Variants in RALYL observed in about 807,000 individuals in gnomAD.
RALYL encodes RNA-binding Raly-like protein.
In RALYL, 29 loss-of-function variants were observed where a neutral mutation model predicts 35.1. The observed-to-expected ratio is 0.83, with a 90% CI of 0.61 to 1.13. The LOEUF (loss-of-function observed/expected upper bound fraction) is 1.13, where lower values mean the gene tolerates loss of function less well. Among genes scored for constraint, RALYL ranks in the 50% most tolerant of loss-of-function variants. The pLI, the probability that RALYL is intolerant of heterozygous loss-of-function variation, is 0.00. For synonymous variants in RALYL, 120 were observed against 127.6 expected, an observed-to-expected ratio of 0.94 and a Z score of 0.40; for missense variants, 359 against 360.4, an observed-to-expected ratio of 1.00 and a Z score of 0.03.
intron 2 of RALYL, among the ~76,000 whole-genome samples, chr8:84,663,738 T>C (rs954227542): frequency 1.3e-5 from 2 of 152,164 alleles, no homozygotes; most frequent in African/African-American, 4.8e-5. Flanking sequence ...GATGGGTAGA[T>C]TGCAAAAATG....
intron 1 of RALYL, among the ~76,000 whole-genome samples, chr8:84,207,909 G>A (rs1408007688): frequency 6.6e-6 from 1 of 151,692 alleles, no homozygotes; most frequent in East Asian, 1.9e-4. Context: ...GGGAAAAAAA[G>A]TTTCATCAAA....
At chr8:84,853,433 C>A (rs1238239521) in intron 5 of RALYL, among the ~76,000 whole-genome samples, 1 of 152,096 alleles carries the variant, frequency 6.6e-6, no homozygotes, top group Non-Finnish European at 1.5e-5. Flanking sequence ...ATCTTACTTG[C>A]CAAAGAACAA....
chr8:84,883,191 T>C (rs1194038664), intron 7 of RALYL, among the ~76,000 whole-genome samples: 2 of 152,046 alleles, frequency 1.3e-5, no homozygotes, highest in African/African-American at 4.8e-5. Flanking sequence ...AGCTTTCAAG[T>C]TAATGATTGG....
intron 1 of RALYL, among the ~76,000 whole-genome samples, chr8:84,493,743 C>T (rs1235016570): frequency 1.3e-5 from 2 of 151,572 alleles, no homozygotes; most frequent in African/African-American, 2.4e-5. Flanking sequence ...TGTTCATGCC[C>T]TTTGCCCACT....
chr8:84,791,166 A>G (rs182892399), intron 3 of RALYL, among the ~76,000 whole-genome samples: 155 of 152,304 alleles, frequency 1.0e-3, no homozygotes, highest in East Asian at 7.7e-3. Context: ...AAGTACTGCA[A>G]TTTTTTATAG....
At position 84,259,991 on chromosome 8, in the gene RALYL, T is replaced by A. The variant is rs73688468; in HGVS notation, c.-24+75567T>A. Among the ~76,000 whole-genome samples the A allele has an allele frequency of 4.0e-3, 611 of 152,274 alleles. 4 individuals are homozygous for A. Among genetic ancestry groups the A allele is most frequent in the African/African-American group, 0.014 (573 of 41,572 alleles). ...AAAGGCTAAAGATACAGAAGAGTCA[T>A]TCTGGCTTGCATTAAAAACTGACTG... On this transcript the variant is annotated intron_variant, in intron 1 of 8. Transcript: ENST00000521268.
chr8:84,885,808 T>C (rs1363254505), intron 7 of RALYL, among the ~76,000 whole-genome samples: 1 of 152,164 alleles, frequency 6.6e-6, no homozygotes, highest in Non-Finnish European at 1.5e-5. Flanking sequence ...GGCCTCTTGA[T>C]CTAAGTTTAC....
Position 84,649,816 on chromosome 8 carries a change from C to T in RALYL, c.256+120239C>T, listed in dbSNP as rs374119091. 5.9e-3 allele frequency among the ~76,000 whole-genome samples: 896 copies of T among 151,858 alleles called. 4 individuals are homozygous for T. The highest frequency in any genetic ancestry group is 0.014 in the African/African-American group (595 of 41,426). On this transcript the variant is annotated intron_variant, in intron 2 of 8. Coordinates refer to ENST00000521268, the MANE Select transcript of RALYL (RefSeq NM_173848.7). ...AAAGTAGTTTTTTCCAATTCTGTGA[C>T]GAAAGTCATTGGTAGCTTGATGGGG...
rs189466455 is a variant in RALYL at position 84,509,734 on chromosome 8, T to C, written c.-23-19565T>C. Among the ~76,000 whole-genome samples the C allele has an allele frequency of 6.1e-4, 93 of 152,322 alleles. 1 individual carries two copies. The East Asian group carries it at 0.015, about 25-fold the overall frequency. On this transcript the variant is annotated intron_variant, in intron 1 of 8. Transcript: ENST00000521268. ...TTTGTCTAGATTCATTTTTTGTATGTAGGTGTCCAGTTATTCCAGAACCAT... is the reference window on the plus strand; with the variant it reads ...TTTGTCTAGATTCATTTTTTGTATGCAGGTGTCCAGTTATTCCAGAACCAT...
chr8:84,665,938 A>G (rs1275601169), intron 2 of RALYL: 2 of 151,894 alleles, frequency 1.3e-5, no homozygotes, highest in Non-Finnish European at 2.9e-5. Context: ...AGATCATAGT[A>G]AAAAAAATCT....
intron 2 of RALYL, among the ~76,000 whole-genome samples, chr8:84,608,971 A>C (rs1006015628): frequency 3.9e-5 from 6 of 152,120 alleles, no homozygotes; most frequent in African/African-American, 1.4e-4. Flanking sequence ...TCTGAAATCC[A>C]GAGAGTTGAA....
At chr8:84,267,893 AT>A (rs1358477084) in intron 1 of RALYL, among the ~76,000 whole-genome samples, 2 of 152,202 alleles carry the variant, frequency 1.3e-5, no homozygotes, top group Non-Finnish European at 2.9e-5. Flanking sequence ...AGCAGAGAGA[AT>A]TCCAAGAACT....
rs571214299 is a variant in RALYL, at chr8:84,830,856, A to C, written c.366-19124A>C. 1.3e-4 allele frequency among the ~76,000 whole-genome samples: 20 copies of C among 152,280 alleles called. No individual in the cohort carries two copies. The South Asian group carries it at 3.3e-3, about 25-fold the overall frequency. On this transcript the variant is annotated intron_variant, in intron 4 of 8. Coordinates refer to ENST00000521268, the MANE Select transcript of RALYL (RefSeq NM_173848.7). Reference sequence around the variant, plus strand: ...ATTCAGAAGGAAAGTACCTCTAAGAAACATTTATAGATTATAATAAGAAGA... The same window carrying C: ...ATTCAGAAGGAAAGTACCTCTAAGACACATTTATAGATTATAATAAGAAGA...
chr8:84,895,321 T>A (rs1159464250), intron 8 of RALYL, among the ~76,000 whole-genome samples: 3 of 150,102 alleles, frequency 2.0e-5, no homozygotes, highest in Non-Finnish European at 3.0e-5. Flanking sequence ...CTAGTCTAGG[T>A]GACCTACTGC....
chr8:84,578,499 T>C (rs1048181266), intron 2 of RALYL, among the ~76,000 whole-genome samples: 1 of 152,162 alleles, frequency 6.6e-6, no homozygotes, highest in African/African-American at 2.4e-5. Flanking sequence ...CCAGGAAGAA[T>C]GAAGTACATG....
chr8:84,547,826 G>A (rs935702558), intron 2 of RALYL, among the ~76,000 whole-genome samples: 2 of 152,122 alleles, frequency 1.3e-5, no homozygotes, highest in African/African-American at 2.4e-5. Context: ...TGAGTTCTCT[G>A]GTAAATGTTT....
chr8:84,407,318 A>G (rs1180390783), intron 1 of RALYL, among the ~76,000 whole-genome samples: 2 of 152,306 alleles, frequency 1.3e-5, no homozygotes, highest in East Asian at 3.9e-4. Context: ...ATCATGGGGA[A>G]TAGTTCCATA....
intron 1 of RALYL, among the ~76,000 whole-genome samples, chr8:84,323,372 A>G (rs1955255): frequency 0.047 from 7,201 of 152,132 alleles, 264 homozygotes; most frequent in African/African-American, 0.083. Context: ...TAAAGCTAAC[A>G]AGCTAGCTAT....
intron 4 of RALYL, among the ~76,000 whole-genome samples, chr8:84,832,537 C>CT (rs1383480373): frequency 6.6e-6 from 1 of 151,940 alleles, no homozygotes; most frequent in South Asian, 2.1e-4. Context: ...TGCAATTTTT[C>CT]TTTTTTTGAC....
Sources: gnomAD v4.1 joint callset for allele counts (sites outside exome capture counted in the v4.1 genomes callset) on GRCh38, gnomAD v4.1.1 for gene constraint, MANE v1.5 for transcripts, NCBI Gene and HGNC (gene_info 2026-07-23, HGNC 2026-07-21) for gene names.